Variants in PDK1 observed in about 807,000 individuals in gnomAD.
PDK1 encodes pyruvate dehydrogenase kinase 1.
A neutral mutation model predicts 54.2 loss-of-function variants in PDK1; 39 were observed. The ratio of observed to expected loss-of-function variants is 0.72; its 90% CI spans 0.56 to 0.94. The LOEUF (loss-of-function observed/expected upper bound fraction) is 0.94, where lower values mean the gene tolerates loss of function less well. Among genes scored for constraint, PDK1 ranks in the 40% least tolerant of loss-of-function variants. PDK1 has a pLI of 0.00. For missense variants in PDK1, 552 were observed against 566.0 expected, an observed-to-expected ratio of 0.98 and a Z score of 0.25; for synonymous variants, 221 against 207.1, an observed-to-expected ratio of 1.07 and a Z score of -0.58.
chr2:172,569,122 A>T lies in PDK1; in HGVS notation c.846+305A>T, dbSNP rs188728445. Among the ~76,000 whole-genome samples the T allele has an allele frequency of 6.6e-5, 10 of 152,354 alleles. No homozygotes were observed. The East Asian group carries it at 1.7e-3, about 26-fold the overall frequency. On this transcript the variant is annotated intron_variant, in intron 7 of 10. Transcript: ENST00000282077. ...CAGTTTCCTTTTCTGTAAAACAAGAATACTGTCCAGGATTGTTTATGACTA... is the reference window on the plus strand; with the variant it reads ...CAGTTTCCTTTTCTGTAAAACAAGATTACTGTCCAGGATTGTTTATGACTA...
At chr2:172,578,450 A>G (rs1689698808) in intron 8 of PDK1, among the ~76,000 whole-genome samples, 1 of 152,112 alleles carries the variant, frequency 6.6e-6, no homozygotes, top group Non-Finnish European at 1.5e-5. Context: ...ATGTTGATGC[A>G]TATCATTTTA....
At chr2:172,632,867 C>T in the PDK1 span, among the ~76,000 whole-genome samples, 1 of 151,014 alleles carries the variant, frequency 6.6e-6, no homozygotes, top group African/African-American at 2.4e-5. Context: ...GTAGTCCCAG[C>T]TACTCGGGAG....
chr2:172,622,537 A>T, the PDK1 span, among the ~76,000 whole-genome samples: 2 of 139,244 alleles, frequency 1.4e-5, no homozygotes, highest in Admixed American at 7.5e-5. Flanking sequence ...ATATTATGTG[A>T]GATATGTTTA....
chr2:172,656,892 G>A, the PDK1 span, among the ~76,000 whole-genome samples: 3 of 152,332 alleles, frequency 2.0e-5, no homozygotes, highest in East Asian at 1.9e-4. Context: ...AGAGTTTGAT[G>A]AGACTCTTGG....
the PDK1 span, among the ~76,000 whole-genome samples, chr2:172,703,614 A>T: frequency 2.0e-5 from 3 of 152,152 alleles, no homozygotes; most frequent in East Asian, 3.9e-4. Flanking sequence ...GAGAGGGAGA[A>T]ATTAATTTTA....
chr2:172,635,893 C>T, the PDK1 span, among the ~76,000 whole-genome samples: 1 of 152,188 alleles, frequency 6.6e-6, no homozygotes, highest in Non-Finnish European at 1.5e-5. Flanking sequence ...TTCATACTAG[C>T]CAATCTTAAA....
chr2:172,556,023 G>T, upstream of PDK1: 1 of 632,708 alleles, frequency 1.6e-6, no homozygotes, highest in South Asian at 3.6e-5. Context: ...CTCCGGCTAG[G>T]AGGGTGGGGG....
rs1272655084 is a variant in PDK1, at chr2:172,606,314, C to G, written c.*10345C>G. 2 of 152,194 alleles carry G rather than the reference C, an allele frequency of 1.3e-5. No homozygotes were observed. Among genetic ancestry groups the G allele is most frequent in the African/African-American group, 4.8e-5 (2 of 41,440 alleles). 9.4% of individuals were successfully genotyped at this position (152,194 alleles called of 1,614,324 possible). On this transcript the variant is annotated 3_prime_UTR_variant, in exon 11 of 11. Coordinates refer to ENST00000282077, the MANE Select transcript of PDK1 (RefSeq NM_002610.5). ...AAAGAAGATCTCCTCTCTCTTAGAACTTAATCAAACTCTTGGCATCCACAG... is the reference window on the plus strand; with the variant it reads ...AAAGAAGATCTCCTCTCTCTTAGAAGTTAATCAAACTCTTGGCATCCACAG...
chr2:172,619,292 C>A, the PDK1 span, among the ~76,000 whole-genome samples: 1 of 152,132 alleles, frequency 6.6e-6, no homozygotes, highest in Non-Finnish European at 1.5e-5. Context: ...CAGGGATGCC[C>A]ACATTCTCTC....
the PDK1 span, among the ~76,000 whole-genome samples, chr2:172,644,215 A>G: frequency 6.6e-6 from 1 of 152,226 alleles, no homozygotes; most frequent in Non-Finnish European, 1.5e-5. Flanking sequence ...TTAAAAATGT[A>G]CCAGAAAAAA....
chr2:172,605,620 C>G lies in PDK1; in HGVS notation c.*9651C>G, dbSNP rs1159508716. The stretch of plus-strand genomic sequence containing the variant: ...GAACTCCTGAGCTCAAGTGATCCTC[C>G]TGCCTTGGCCTCCCAAAGTGTTGGG... On this transcript the variant is annotated 3_prime_UTR_variant, in exon 11 of 11. Coordinates refer to ENST00000282077, the MANE Select transcript of PDK1 (RefSeq NM_002610.5). 6.6e-6 allele frequency: 1 copy of G among 152,262 alleles called. No homozygotes were observed. The highest frequency in any genetic ancestry group is 1.5e-5 in the Non-Finnish European group (1 of 68,112). The allele number at this position is 152,262 out of a possible 1,614,324, so 9.4% of individuals were successfully genotyped here. A position where few individuals can be genotyped will look rare whatever the true frequency, so the allele number is the denominator to read the frequency against.
the PDK1 span, among the ~76,000 whole-genome samples, chr2:172,644,213 G>A: frequency 6.6e-6 from 1 of 152,216 alleles, no homozygotes; most frequent in Non-Finnish European, 1.5e-5. Flanking sequence ...CTTTAAAAAT[G>A]TACCAGAAAA....
At chr2:172,645,424 A>C in the PDK1 span, among the ~76,000 whole-genome samples, 1 of 151,834 alleles carries the variant, frequency 6.6e-6, no homozygotes, top group African/African-American at 2.4e-5. Context: ...ACGCCCGGCT[A>C]ATTTCTGTAT....
intron 3 of PDK1, 50 bp downstream of exon 3, chr2:172,562,341 G>T: frequency 9.2e-7 from 1 of 1,091,434 alleles, no homozygotes; most frequent in South Asian, 1.3e-5. Flanking sequence ...TAGGTCACTT[G>T]GGGGAAATTG....
At chr2:172,572,597 G>T (rs761437493) in intron 8 of PDK1, among the ~76,000 whole-genome samples, 4 of 152,042 alleles carry the variant, frequency 2.6e-5, no homozygotes, top group Non-Finnish European at 4.4e-5. Flanking sequence ...GTGGTGGCAG[G>T]CGCCTGTAAT....
intron 5 of PDK1, among the ~76,000 whole-genome samples, chr2:172,565,349 G>A (rs1323114903): frequency 2.0e-5 from 3 of 152,082 alleles, no homozygotes; most frequent in Non-Finnish European, 4.4e-5. Flanking sequence ...TGTTGCCCAG[G>A]CTGGAGTGCA....
chr2:172,558,458 A>G (rs1447549102), intron 1 of PDK1, among the ~76,000 whole-genome samples: 1 of 152,198 alleles, frequency 6.6e-6, no homozygotes, highest in African/African-American at 2.4e-5. Flanking sequence ...TAGGGAGACA[A>G]GAGTATCGTA....
At chr2:172,643,523 C>G in the PDK1 span, among the ~76,000 whole-genome samples, 1 of 152,166 alleles carries the variant, frequency 6.6e-6, no homozygotes, top group Non-Finnish European at 1.5e-5. Flanking sequence ...TGCCCAAATA[C>G]CCAGAATGCA....
chr2:172,585,742 T>C (rs966070373), intron 8 of PDK1, among the ~76,000 whole-genome samples: 13 of 152,170 alleles, frequency 8.5e-5, no homozygotes, highest in African/African-American at 2.4e-4. Context: ...CCCGGAAATA[T>C]ACAAAGCCAC....
Sources: gnomAD v4.1 joint callset for allele counts (sites outside exome capture counted in the v4.1 genomes callset) on GRCh38, gnomAD v4.1.1 for gene constraint, MANE v1.5 for transcripts, NCBI Gene and HGNC (gene_info 2026-07-23, HGNC 2026-07-21) for gene names.